Variants in TMEM116 observed in about 807,000 individuals in gnomAD.
TMEM116 encodes transmembrane protein 116.
A neutral mutation model predicts 44.3 loss-of-function variants in TMEM116; 38 were observed. The ratio of observed to expected loss-of-function variants is 0.86; its 90% confidence interval spans 0.66 to 1.12. The LOEUF (loss-of-function observed/expected upper bound fraction) is 1.12, where lower values mean the gene tolerates loss of function less well. TMEM116 is among the 50% of genes most tolerant of loss of function. The pLI, the probability that TMEM116 is intolerant of heterozygous loss-of-function variation, is 0.00. For missense variants in TMEM116, 354 were observed against 401.7 expected (o/e 0.88, Z 1.01); for synonymous variants, 132 against 144.8 (o/e 0.91, Z 0.64).
chr12:111,989,734 T>C (rs1032924109), intron 4 of TMEM116, among the ~76,000 whole-genome samples: 1 of 152,150 alleles, frequency 6.6e-6, no homozygotes, highest in Admixed American at 6.6e-5. Flanking sequence ...GAGCCAGACA[T>C]TGGAAATATC....
At chr12:111,974,145 GA>G (rs895606683) in intron 4 of TMEM116, among the ~76,000 whole-genome samples, 15 of 138,836 alleles carry the variant, frequency 1.1e-4, no homozygotes, top group Middle Eastern at 3.6e-3. Flanking sequence ...TAAAAACAGA[GA>G]AAAAAAAAAA....
At chr12:111,935,464 T>TA (rs987294071) in intron 8 of TMEM116, 2 of 152,064 alleles carry the variant, frequency 1.3e-5, no homozygotes, top group African/African-American at 4.8e-5. Flanking sequence ...TGGGCTATTC[T>TA]AAAGAAGCAA....
chr12:112,012,261 CTG>C (rs1203983694), intron 1 of TMEM116: 2 of 152,202 alleles, frequency 1.3e-5, no homozygotes, highest in Non-Finnish European at 1.5e-5. Context: ...GGCTGAATCT[CTG>C]TCTCTTTACA....
intron 4 of TMEM116, among the ~76,000 whole-genome samples, chr12:111,959,988 G>C (rs1449667182): frequency 1.3e-5 from 2 of 152,096 alleles, no homozygotes; most frequent in African/African-American, 4.8e-5. Context: ...CTCAGCTCTA[G>C]ACCAAGCGGA....
rs550793947 is a variant in TMEM116, at chr12:111,986,923, G to A, written c.210+4835C>T. On this transcript the variant is annotated intron_variant, in intron 4 of 10. Transcript: ENST00000552374. ...CTACAAATAGATCAAAGACTTAAAT[G>A]TAAGACTAAAACTATAAAACTCTTA... Among the ~76,000 whole-genome samples the A allele has an allele frequency of 3.3e-5, 5 of 152,170 alleles. No individual in the cohort carries two copies. In the South Asian group the frequency reaches 1.0e-3, roughly 32 times the overall value.
rs2076298398 is a variant in TMEM116 at position 111,987,609 on chromosome 12, G to A, written c.210+4149C>T. 2.0e-5 allele frequency among the ~76,000 whole-genome samples: 3 copies of A among 151,828 alleles called. No homozygotes were observed. The South Asian group carries it at 6.2e-4, about 32-fold the overall frequency. On this transcript the variant is annotated intron_variant, in intron 4 of 10. Coordinates refer to ENST00000552374, the MANE Select transcript of TMEM116 (RefSeq NM_001193531.2). ...TGAAAAGCTGCCCAACATTACTAATGATTAGAGAAATGCAAATCAAAAGCA... is the reference window on the plus strand; with the variant it reads ...TGAAAAGCTGCCCAACATTACTAATAATTAGAGAAATGCAAATCAAAAGCA...
chr12:111,945,212 T>C (rs910522483), intron 4 of TMEM116, among the ~76,000 whole-genome samples: 4 of 150,116 alleles, frequency 2.7e-5, no homozygotes, highest in Non-Finnish European at 4.4e-5. Context: ...GGCATGGTGG[T>C]GTGTGCCTGT....
chr12:111,981,256 T>C (rs1307035308), intron 4 of TMEM116, among the ~76,000 whole-genome samples: 3 of 152,164 alleles, frequency 2.0e-5, no homozygotes, highest in Non-Finnish European at 4.4e-5. Context: ...CCAACTTTTT[T>C]TGAGCTCTAG....
At chr12:112,007,592 A>G (rs1226203699) in intron 1 of TMEM116, among the ~76,000 whole-genome samples, 1 of 152,240 alleles carries the variant, frequency 6.6e-6, no homozygotes, top group Non-Finnish European at 1.5e-5. Context: ...AGAAATCCCC[A>G]GCATAACGTC....
intron 4 of TMEM116, among the ~76,000 whole-genome samples, chr12:111,972,076 G>GAAAAAAAAAAAAAAAAAAA (rs762088997): frequency 1.7e-5 from 1 of 57,534 alleles, no homozygotes; most frequent in African/African-American, 6.3e-5. Context: ...CCCTATCTGT[G>GAAAAAAAAAAAAAAAAAAA]AAAAAAAAAA....
chr12:111,940,510 CACATATAT>C (rs1164467582), intron 5 of TMEM116, among the ~76,000 whole-genome samples: 2 of 123,920 alleles, frequency 1.6e-5, no homozygotes, highest in Non-Finnish European at 3.2e-5. Flanking sequence ...TATATATACA[CACATATAT>C]ATGTGTATAT....
At chr12:112,007,928 A>G (rs1233458819) in intron 1 of TMEM116, among the ~76,000 whole-genome samples, 2 of 152,242 alleles carry the variant, frequency 1.3e-5, no homozygotes, top group African/African-American at 4.8e-5. Context: ...GTCCCTTTGA[A>G]GTATCTTTGG....
At chr12:111,990,184 G>A (rs971495496) in intron 4 of TMEM116, among the ~76,000 whole-genome samples, 2 of 151,754 alleles carry the variant, frequency 1.3e-5, no homozygotes, top group African/African-American at 4.8e-5. Flanking sequence ...GAACCCGGGA[G>A]GTGGAGCTTG....
Position 111,960,890 on chromosome 12 carries a change from C to G in TMEM116, c.211-17521G>C, listed in dbSNP as rs148010574. On this transcript the variant is annotated intron_variant, in intron 4 of 10. Transcript: ENST00000552374. ...TCAAAAAAATCAATGAATCCAGGAC[C>G]TGATTTTTTGAAAAGATTAATAAAA... 2.6e-3 allele frequency among the ~76,000 whole-genome samples: 399 copies of G among 152,176 alleles called. 3 individuals are homozygous for G. The highest frequency in any genetic ancestry group is 8.2e-3 in the African/African-American group (341 of 41,514).
At chr12:111,985,561 C>G (rs749206070) in intron 4 of TMEM116, among the ~76,000 whole-genome samples, 11 of 152,058 alleles carry the variant, frequency 7.2e-5, no homozygotes, top group Admixed American at 3.9e-4. Flanking sequence ...GAAAGATACC[C>G]ATGTTCATGG....
intron 4 of TMEM116, among the ~76,000 whole-genome samples, chr12:111,990,943 G>A (rs146392278): frequency 9.8e-4 from 149 of 152,182 alleles, no homozygotes; most frequent in African/African-American, 3.4e-3. Context: ...TTCATTGGCT[G>A]GGCACGGTGG....
chr12:112,005,565 T>A, intron 1 of TMEM116: 1 of 499,966 alleles, frequency 2.0e-6, no homozygotes, highest in Non-Finnish European at 2.7e-6. Flanking sequence ...AATGACTAAA[T>A]GAAAAAGGGA....
chr12:111,938,083 A>G, intron 6 of TMEM116, 78 bp downstream of exon 6: 1 of 895,762 alleles, frequency 1.1e-6, no homozygotes, highest in Non-Finnish European at 1.7e-6. Context: ...AATAAAGGGC[A>G]CTGTCCTATT....
intron 5 of TMEM116, among the ~76,000 whole-genome samples, chr12:111,941,419 G>A (rs1593296782): frequency 6.6e-6 from 1 of 150,726 alleles, no homozygotes; most frequent in African/African-American, 2.4e-5. Flanking sequence ...AATACCCAGA[G>A]GTAAACTAAA....
Sources: allele counts gnomAD v4.1 joint callset (sites outside exome capture counted in the v4.1 genomes callset), GRCh38; gene constraint gnomAD v4.1.1; transcripts MANE v1.5; gene names NCBI Gene and HGNC (gene_info 2026-07-23, HGNC 2026-07-21).